Variants in MORN3 observed in about 807,000 individuals in gnomAD.
The protein encoded by MORN3 is MORN repeat-containing protein 3.
A neutral mutation model predicts 34.7 loss-of-function variants in MORN3; 38 were observed. That is an observed-to-expected ratio of 1.10 (90% CI 0.85 to 1.44). The LOEUF is 1.44. Among genes scored for constraint, MORN3 ranks in the 40% most tolerant of loss-of-function variants. MORN3 has a pLI of 0.00. For synonymous variants in MORN3, 109 were observed against 115.3 expected (o/e 0.95, Z 0.35); for missense variants, 311 against 321.7 (o/e 0.97, Z 0.25).
chr12:121,649,922 T>C lies in MORN3; in HGVS notation c.*1729A>G, dbSNP rs1893213097. On this transcript the variant is annotated 3_prime_UTR_variant, in exon 6 of 6. Transcript: ENST00000355329. ...GCACTATGCTTAACCGCATCCCTGGTCTCTACTCACTCAATGCCAGTAGCC... is the reference window on the plus strand; with the variant it reads ...GCACTATGCTTAACCGCATCCCTGGCCTCTACTCACTCAATGCCAGTAGCC... 6.7e-6 allele frequency: 1 copy of C among 149,582 alleles called. No individual in the cohort carries two copies. The highest frequency in any genetic ancestry group is 2.1e-4 in the South Asian group (1 of 4,682). 9.3% of individuals were successfully genotyped at this position (149,582 alleles called of 1,614,324 possible). A position where few individuals can be genotyped will look rare whatever the true frequency, so the allele number is the denominator to read the frequency against.
chr12:121,658,366 A>G (rs895305407), intron 2 of MORN3, among the ~76,000 whole-genome samples: 1 of 151,874 alleles, frequency 6.6e-6, no homozygotes, highest in Non-Finnish European at 1.5e-5. Context: ...GGGGATGGAG[A>G]CCATCCTGGC....
intron 1 of MORN3, among the ~76,000 whole-genome samples, chr12:121,666,698 T>C (rs1893765940): frequency 6.6e-6 from 1 of 151,968 alleles, no homozygotes; most frequent in African/African-American, 2.4e-5. Flanking sequence ...TTCTAATAAT[T>C]TGCTTTTATG....
At chr12:121,662,323 C>G (rs570956700) in intron 1 of MORN3, among the ~76,000 whole-genome samples, 1 of 151,978 alleles carries the variant, frequency 6.6e-6, no homozygotes, top group South Asian at 2.1e-4. Context: ...ACAAATTAGC[C>G]TGGTGTGGTG....
chr12:121,653,320 G>A, intron 3 of MORN3, 61 bp from the exon 4 acceptor site: 1 of 1,543,664 alleles, frequency 6.5e-7, no homozygotes, highest in Non-Finnish European at 8.7e-7. Context: ...GACCCCCAGG[G>A]GTCGCTCTTC....
intron 2 of MORN3, among the ~76,000 whole-genome samples, chr12:121,655,644 G>C (rs1893394472): frequency 2.0e-5 from 3 of 151,908 alleles, no homozygotes; most frequent in Admixed American, 2.0e-4. Flanking sequence ...CCAGGAGTCG[G>C]AGGTTGCAGT....
At chr12:121,666,049 G>C (rs1327193136) in intron 1 of MORN3, among the ~76,000 whole-genome samples, 2 of 152,114 alleles carry the variant, frequency 1.3e-5, no homozygotes, top group African/African-American at 4.8e-5. Flanking sequence ...AGGGGAAAAG[G>C]CTGGGCATGA....
rs1000359393 is a variant in MORN3, at chr12:121,659,482, C to T, written c.146-134G>A. On this transcript the variant is annotated intron_variant, in intron 1 of 5. Coordinates refer to ENST00000355329, the MANE Select transcript of MORN3 (RefSeq NM_173855.5). The stretch of plus-strand genomic sequence containing the variant: ...GACAGGCTCTGCGCATCATCCTAGA[C>T]ACCAAGTACCCAGGAGAAGGCCAGG... 68 of 766,930 alleles carry T rather than the reference C, an allele frequency of 8.9e-5. No homozygotes were observed. In the Admixed American group the frequency reaches 1.9e-3, roughly 21 times the overall value. 47.5% of individuals were successfully genotyped at this position (766,930 alleles called of 1,614,324 possible).
chr12:121,653,447 T>A lies in MORN3; in HGVS notation c.464-188A>T, dbSNP rs533998238. Among the ~76,000 whole-genome samples the A allele has an allele frequency of 6.8e-3, 1,023 of 151,474 alleles. 7 individuals are homozygous for A. The highest frequency in any genetic ancestry group is 0.026 in the South Asian group (123 of 4,790). ...GACCACATCTCTGCAAAAAAAAAAA[T>A]TTTTTTAATTAGCTGGGCATAGTGG... On this transcript the variant is annotated intron_variant, in intron 3 of 5. Coordinates refer to ENST00000355329, the MANE Select transcript of MORN3 (RefSeq NM_173855.5).
At chr12:121,652,989 G>T in intron 4 of MORN3, 86 bp downstream of exon 4, 1 of 1,481,174 alleles carries the variant, frequency 6.8e-7, no homozygotes, top group Non-Finnish European at 9.1e-7. Context: ...GGCTGGGCCT[G>T]GCAGATCTGG....
intron 2 of MORN3, among the ~76,000 whole-genome samples, chr12:121,657,609 C>T (rs1470913155): frequency 1.3e-5 from 2 of 151,830 alleles, no homozygotes; most frequent in African/African-American, 4.8e-5. Context: ...GGCTCATGCC[C>T]GTAATCTTAG....
upstream of MORN3, among the ~76,000 whole-genome samples, chr12:121,669,825 T>C (rs1423948757): frequency 2.6e-5 from 3 of 117,372 alleles, no homozygotes; most frequent in African/African-American, 1.2e-4. Flanking sequence ...TATATATATA[T>C]ATATATATTT....
chr12:121,654,256 CG>C lies in MORN3; in HGVS notation c.463+17del, dbSNP rs1893340494. Reference sequence around the variant, plus strand: ...GGCGTGGTCGGGTGGGCGGGGCCGGCGGGGGTGGGGCACTCACTCAGGCGCA... The same window carrying C: ...GGCGTGGTCGGGTGGGCGGGGCCGGCGGGGTGGGGCACTCACTCAGGCGCA... On this transcript the variant is annotated intron_variant, in intron 3 of 5. Coordinates refer to ENST00000355329, the MANE Select transcript of MORN3 (RefSeq NM_173855.5). 8.7e-7 allele frequency: 1 copy of C among 1,155,348 alleles called. No individual in the cohort carries two copies. Among genetic ancestry groups the C allele is most frequent in the East Asian group, 5.5e-5 (1 of 18,182 alleles). The allele number at this position is 1,155,348 out of a possible 1,614,324, so 71.6% of individuals were successfully genotyped here.
At chr12:121,669,727 G>A, upstream of MORN3, 1 of 393,050 alleles carries the variant, frequency 2.5e-6, no homozygotes, top group Non-Finnish European at 4.8e-6. Flanking sequence ...AATTACTTGG[G>A]AATCTAGGGA....
At chr12:121,656,374 A>G (rs1893417128) in intron 2 of MORN3, among the ~76,000 whole-genome samples, 1 of 151,962 alleles carries the variant, frequency 6.6e-6, no homozygotes, top group Admixed American at 6.6e-5. Context: ...TCCAGGCTGG[A>G]GTGTAGTGGC....
At chr12:121,659,457 G>C in intron 1 of MORN3, 109 bp from the exon 2 acceptor site, 1 of 1,087,602 alleles carries the variant, frequency 9.2e-7, no homozygotes, top group South Asian at 1.4e-5. Flanking sequence ...AGAGAGCTGG[G>C]ACAGGCTCTG....
chr12:121,669,566 A>T lies in MORN3; in HGVS notation c.-83T>A, dbSNP rs535169798. 1.5e-5 allele frequency: 23 copies of T among 1,569,254 alleles called. No homozygotes were observed. The African/African-American group carries it at 3.0e-4, about 20-fold the overall frequency. ...TCAGCGCGCCCCGTGTAATGCCGGG[A>T]TCCTGAGCTCAAGTGGGGAGAGTCA... On this transcript the variant is annotated 5_prime_UTR_variant, in exon 1 of 6. Transcript: ENST00000355329.
In MORN3 at chr12:121,651,467, G is replaced by A. The variant is rs1344448125; in HGVS notation, c.*184C>T. ...GAAGAGGGTCCCGAGGACAGCCTGG[G>A]AGAGAAGCACCAGCCTTCCTATTGG... On this transcript the variant is annotated 3_prime_UTR_variant, in exon 6 of 6. Transcript: ENST00000355329. 6.6e-6 allele frequency: 1 copy of A among 152,292 alleles called. No individual in the cohort carries two copies. The highest frequency in any genetic ancestry group is 1.5e-5 in the Non-Finnish European group (1 of 68,152). 9.4% of individuals were successfully genotyped at this position (152,292 alleles called of 1,614,324 possible).
At chr12:121,659,540 CTT>C (rs774070915) in intron 1 of MORN3, among the ~76,000 whole-genome samples, 192 bp from the exon 2 acceptor site, 8 of 135,826 alleles carry the variant, frequency 5.9e-5, no homozygotes, top group African/African-American at 9.0e-5. Context: ...TTCTTTCTTT[CTT>C]TTTTTTTTTT....
Position 121,648,794 on chromosome 12 carries a change from G to T in MORN3, c.*2857C>A, listed in dbSNP as rs1398934523. The T allele has an allele frequency of 2.0e-5, 3 of 152,050 alleles. No individual in the cohort carries two copies. The highest frequency in any genetic ancestry group is 7.3e-5 in the African/African-American group (3 of 41,378). The allele number at this position is 152,050 out of a possible 1,614,324, so 9.4% of individuals were successfully genotyped here. A position where few individuals can be genotyped will look rare whatever the true frequency, so the allele number is the denominator to read the frequency against. The stretch of plus-strand genomic sequence containing the variant: ...TTTGAATACATAATACATTCACATG[G>T]TTCCAAACACAACACTGAAAAGTTG... On this transcript the variant is annotated 3_prime_UTR_variant, in exon 6 of 6. Transcript: ENST00000355329.
Sources: allele counts gnomAD v4.1 joint callset (sites outside exome capture counted in the v4.1 genomes callset), GRCh38; gene constraint gnomAD v4.1.1; transcripts MANE v1.5; gene names NCBI Gene and HGNC (gene_info 2026-07-23, HGNC 2026-07-21).